TBC1D22A: variants seen among roughly 807,000 people sequenced by gnomAD.
TBC1D22A encodes the protein putative GTPase activator.
Under a neutral mutation model 60.2 loss-of-function variants are expected in TBC1D22A, and 38 were observed. That is an observed-to-expected ratio of 0.63 (90% CI 0.49 to 0.83). TBC1D22A has a LOEUF of 0.83. TBC1D22A is among the 40% of genes least tolerant of loss of function. TBC1D22A has a pLI of 0.00. For missense variants in TBC1D22A, 628 were observed against 701.0 expected, an observed-to-expected ratio of 0.90 and a Z score of 1.18; for synonymous variants, 302 against 281.7, an observed-to-expected ratio of 1.07 and a Z score of -0.72.
chr22:46,849,667 C>T (rs965389268), intron 4 of TBC1D22A, among the ~76,000 whole-genome samples: 5 of 152,168 alleles, frequency 3.3e-5, no homozygotes, highest in Non-Finnish European at 5.9e-5. Context: ...TTTATTGTCT[C>T]TGTTTTTCTC....
chr22:46,851,025 T>C (rs1240681028), intron 4 of TBC1D22A, among the ~76,000 whole-genome samples: 1 of 152,116 alleles, frequency 6.6e-6, no homozygotes, highest in Non-Finnish European at 1.5e-5. Flanking sequence ...GGAGTGACAG[T>C]GAACAGGCAC....
chr22:47,065,102 G>A (rs73170422), intron 11 of TBC1D22A, among the ~76,000 whole-genome samples: 11,607 of 152,128 alleles, frequency 0.076, 489 homozygotes, highest in Admixed American at 0.14. Flanking sequence ...TCAACCTTCC[G>A]AGCGATTCTC....
At chr22:46,928,879 G>T (rs1266138305) in intron 8 of TBC1D22A, among the ~76,000 whole-genome samples, 1 of 152,096 alleles carries the variant, frequency 6.6e-6, no homozygotes, top group African/African-American at 2.4e-5. Flanking sequence ...CACAAGGATG[G>T]CTACTATCAA....
chr22:46,852,798 C>T (rs1346294803), intron 4 of TBC1D22A, among the ~76,000 whole-genome samples: 6 of 152,160 alleles, frequency 3.9e-5, no homozygotes, highest in Non-Finnish European at 7.3e-5. Context: ...CTGGCTGCAT[C>T]GCGAGCTCCT....
intron 7 of TBC1D22A, among the ~76,000 whole-genome samples, chr22:46,901,523 C>T (rs546972233): frequency 1.3e-5 from 2 of 152,244 alleles, no homozygotes; most frequent in Admixed American, 6.5e-5. Context: ...GAGTAATTCA[C>T]ACACCAAATG....
intron 4 of TBC1D22A, among the ~76,000 whole-genome samples, chr22:46,829,550 G>T (rs2086218381): frequency 6.6e-6 from 1 of 152,208 alleles, no homozygotes; most frequent in African/African-American, 2.4e-5. Context: ...TTGCTGCCAA[G>T]TTAATACTGC....
intron 12 of TBC1D22A, among the ~76,000 whole-genome samples, chr22:47,125,242 C>T (rs934511553): frequency 2.0e-5 from 3 of 152,298 alleles, no homozygotes; most frequent in South Asian, 2.1e-4. Context: ...TCAGGGAGGG[C>T]GACCGTCCCC....
Position 47,147,033 on chromosome 22 carries a change from G to A in TBC1D22A, c.1426-26465G>A, listed in dbSNP as rs574191563. Among the ~76,000 whole-genome samples, 22 of 152,376 alleles carry A rather than the reference G, an allele frequency of 1.4e-4. No homozygotes were observed. The South Asian group carries it at 3.7e-3, about 26-fold the overall frequency. ...TGGTTGGGGAGAGTGGGAAGACACA[G>A]CGTCAGGTGAGAGGGAAGGGCCGCT... On this transcript the variant is annotated intron_variant, in intron 12 of 12. Transcript: ENST00000337137.
intron 11 of TBC1D22A, among the ~76,000 whole-genome samples, chr22:47,058,501 C>T (rs2063469708): frequency 6.6e-6 from 1 of 152,060 alleles, no homozygotes; most frequent in Non-Finnish European, 1.5e-5. Flanking sequence ...GCATTAGAGC[C>T]CTCCTTCCCC....
chr22:46,792,669 C>T (rs1297401544), intron 2 of TBC1D22A, 93 bp downstream of exon 2: 45 of 1,611,342 alleles, frequency 2.8e-5, no homozygotes, highest in African/African-American at 4.0e-5. Flanking sequence ...TGCTCCCAGG[C>T]ATTCCTCAGG....
intron 8 of TBC1D22A, among the ~76,000 whole-genome samples, chr22:46,942,338 G>GCTAT (rs1227495880): frequency 6.6e-6 from 1 of 152,004 alleles, no homozygotes; most frequent in African/African-American, 2.4e-5. Flanking sequence ...GCTTTATAAA[G>GCTAT]CTATCTTAAT....
At chr22:46,792,388 T>C (rs1424660565) in intron 1 of TBC1D22A, 132 bp from the exon 2 acceptor site, 60 of 1,261,782 alleles carry the variant, frequency 4.8e-5, no homozygotes. Context: ...CAGGGGGGCC[T>C]GCGACAGCCC....
intron 8 of TBC1D22A, among the ~76,000 whole-genome samples, chr22:46,934,599 G>A (rs2071539904): frequency 6.6e-6 from 1 of 152,202 alleles, no homozygotes; most frequent in Non-Finnish European, 1.5e-5. Context: ...TCATAAGACG[G>A]CAAGGACTCT....
chr22:47,081,493 G>A (rs893074109), intron 11 of TBC1D22A, among the ~76,000 whole-genome samples: 6 of 152,114 alleles, frequency 3.9e-5, no homozygotes, highest in East Asian at 1.9e-4. Flanking sequence ...TTTAGCCGGG[G>A]CCTCCAGTCA....
intron 8 of TBC1D22A, chr22:46,915,107 G>C (rs1004447289): frequency 1.0e-5 from 3 of 298,874 alleles, no homozygotes; most frequent in Non-Finnish European, 2.0e-5. Context: ...GCAGTGCTGA[G>C]AAGGAGAAGC....
intron 4 of TBC1D22A, among the ~76,000 whole-genome samples, chr22:46,815,737 G>A (rs1331858631): frequency 2.6e-5 from 4 of 152,188 alleles, no homozygotes; most frequent in Non-Finnish European, 5.9e-5. Flanking sequence ...GCTCATCCAT[G>A]TTGAGAGACC....
chr22:47,041,774 A>G (rs552446781), intron 11 of TBC1D22A, among the ~76,000 whole-genome samples: 3 of 152,348 alleles, frequency 2.0e-5, no homozygotes, highest in African/African-American at 7.2e-5. Flanking sequence ...AGGGCTAGAT[A>G]GTAAATATTT....
intron 1 of TBC1D22A, among the ~76,000 whole-genome samples, chr22:46,787,996 G>C (rs1198902593): frequency 2.6e-5 from 4 of 150,976 alleles, no homozygotes; most frequent in Non-Finnish European, 5.9e-5. Context: ...GAGTGCAGGG[G>C]CGTGATCTCG....
chr22:47,164,091 C>A (rs1205034892), intron 12 of TBC1D22A, among the ~76,000 whole-genome samples: 1 of 152,254 alleles, frequency 6.6e-6, no homozygotes, highest in East Asian at 1.9e-4. Flanking sequence ...TCTGAGCCGG[C>A]TTCAGATGAG....
Sources: allele counts gnomAD v4.1 joint callset (sites outside exome capture counted in the v4.1 genomes callset), GRCh38; gene constraint gnomAD v4.1.1; transcripts MANE v1.5; gene names NCBI Gene and HGNC (gene_info 2026-07-23, HGNC 2026-07-21).